Variants in SIPA1 observed in about 807,000 individuals in gnomAD.
SIPA1 encodes signal-induced proliferation-associated 1.
A neutral mutation model predicts 88.1 loss-of-function variants in SIPA1; 51 were observed. That is an observed-to-expected ratio of 0.58 (90% CI 0.46 to 0.73). The LOEUF (loss-of-function observed/expected upper bound fraction) is 0.73, where lower values mean the gene tolerates loss of function less well. Among genes scored for constraint, SIPA1 ranks in the 30% least tolerant of loss-of-function variants. SIPA1 has a pLI of 0.00. For missense variants in SIPA1, 1,348 were observed against 1,467.6 expected, an observed-to-expected ratio of 0.92 and a Z score of 1.33; for synonymous variants, 681 against 664.8, an observed-to-expected ratio of 1.02 and a Z score of -0.37.
At position 65,649,984 on chromosome 11, in the gene SIPA1, C is replaced by T. The variant is rs753174536; in HGVS notation, c.2781C>T (p.Asp927=). The T allele has an allele frequency of 3.2e-5, 51 of 1,613,774 alleles. No homozygotes were observed. Among genetic ancestry groups the T allele is most frequent in the Non-Finnish European group, 4.3e-5 (51 of 1,179,984 alleles). ...MSEAGSGTLE[D]EWQAISEIAS... ...AGGCGGGCAGTGGGACCCTGGAGGA[C>T]GAGTGGCAGGCCATCTCGGAGATTG... The change falls in exon 13 of 16, where the codon GAC becomes GAT. Residue 927 remains aspartate (D), a synonymous_variant. Transcript: ENST00000534313.
chr11:65,650,818 C>A lies in SIPA1; in HGVS notation c.*103C>A. 1 of 1,273,866 alleles carries A rather than the reference C, an allele frequency of 7.9e-7. No homozygotes were observed. The highest frequency in any genetic ancestry group is 1.0e-6 in the Non-Finnish European group (1 of 953,088). The allele number at this position is 1,273,866 out of a possible 1,614,324, so 78.9% of individuals were successfully genotyped here. A position where few individuals can be genotyped will look rare whatever the true frequency, so the allele number is the denominator to read the frequency against. On this transcript the variant is annotated 3_prime_UTR_variant, in exon 16 of 16. Coordinates refer to ENST00000534313, the MANE Select transcript of SIPA1 (RefSeq NM_006747.4). ...GCGTGTCTTAGCACTGCCCCCCTCC[C>A]TAGCCCCTTATTTGGTGGCGGAAGT... is the stretch of plus-strand genomic sequence containing the variant.
chr11:65,650,310 G>T lies in SIPA1; in HGVS notation c.2904-91G>T, dbSNP rs889013114. ...GCTGCCACATATGCCTAGAAGACCAGCGGGGCCCCTCTCATTAGCTGGGGC... is the reference window on the plus strand; with the variant it reads ...GCTGCCACATATGCCTAGAAGACCATCGGGGCCCCTCTCATTAGCTGGGGC... On this transcript the variant is annotated intron_variant, in intron 14 of 15. Coordinates refer to ENST00000534313, the MANE Select transcript of SIPA1 (RefSeq NM_006747.4). 3.9e-6 allele frequency: 6 copies of T among 1,549,420 alleles called. No individual in the cohort carries two copies. The African/African-American group carries it at 6.8e-5, about 18-fold the overall frequency.
At chr11:65,645,757 G>A in intron 5 of SIPA1, 97 bp from the exon 6 acceptor site, 1 of 753,224 alleles carries the variant, frequency 1.3e-6, no homozygotes, top group South Asian at 1.9e-5. Context: ...TGCTGTTTGG[G>A]GCACAGAGGC....
At chr11:65,644,812 G>A (rs565072250) in intron 4 of SIPA1, 143 bp from the exon 5 acceptor site, 38 of 764,158 alleles carry the variant, frequency 5.0e-5, no homozygotes, top group Admixed American at 4.4e-4. Context: ...ACAACAGACT[G>A]TACTCACCTG....
At position 65,641,049 on chromosome 11, in the gene SIPA1, C is replaced by A; in HGVS notation, c.128C>A (p.Pro43Gln). ...CCGCTGACACCGCACACCTTCGAGC[C>A]GAGGCCAGTCCGGGGCCCACTCCTG... The part of the protein sequence containing the change: ...RPPLTPHTFE[P>Q]RPVRGPLLRS... The change falls in exon 2 of 16, where the codon CCG (proline) becomes CAG (glutamine). Residue 43 changes from proline to glutamine, a missense_variant. Transcript: ENST00000534313. The A allele has an allele frequency of 6.3e-7, 1 of 1,595,452 alleles. No homozygotes were observed. The highest frequency in any genetic ancestry group is 8.5e-7 in the Non-Finnish European group (1 of 1,175,046).
intron 9 of SIPA1, among the ~76,000 whole-genome samples, chr11:65,648,612 T>C (rs542223061): frequency 6.6e-6 from 1 of 152,204 alleles, no homozygotes; most frequent in African/African-American, 2.4e-5. Flanking sequence ...GGCGGGTAGC[T>C]CACCTGAGGT....
rs1419141435 is a variant in SIPA1 at position 65,646,493 on chromosome 11, G to A, written c.1459G>A (p.Gly487Arg). The change falls in exon 8 of 16, where the codon GGG becomes AGG. Residue 487 changes from glycine to arginine, a missense_variant. Gly to Arg is a moderately radical substitution (Grantham distance 125). Transcript: ENST00000534313. The surrounding 1 kb of genome is among the most constrained non-coding windows in gnomAD (Gnocchi z 7.5). ...CCGCACCCAGGACACCCCTGCCTTC[G>A]GGCCAGCTCTGCCTGCTGGCGGAGG... is the stretch of plus-strand genomic sequence containing the variant. ...VSRTQDTPAF[G>R]PALPAGGGPF... 6.3e-7 allele frequency: 1 copy of A among 1,580,238 alleles called. No individual in the cohort carries two copies. The highest frequency in any genetic ancestry group is 8.6e-7 in the Non-Finnish European group (1 of 1,169,492).
chr11:65,641,197 G>C lies in SIPA1; in HGVS notation c.276G>C (p.Pro92=). The C allele has an allele frequency of 6.2e-7, 1 of 1,611,654 alleles. No individual in the cohort carries two copies. The highest frequency in any genetic ancestry group is 2.2e-5 in the East Asian group (1 of 44,892). ...CTTCCACCCGGCTCTTCACTGACCCGCTGGCACTGCTGGGGCTGCCAGCAG... is the reference window on the plus strand; with the variant it reads ...CTTCCACCCGGCTCTTCACTGACCCCCTGGCACTGCTGGGGCTGCCAGCAG... ...AATSTRLFTD[P]LALLGLPAEE... The change falls in exon 2 of 16, where the codon CCG becomes CCC. Residue 92 remains proline, a synonymous_variant. Coordinates refer to ENST00000534313, the MANE Select transcript of SIPA1 (RefSeq NM_006747.4).
chr11:65,642,779 G>A lies in SIPA1; in HGVS notation c.984+140G>A. ...AGAAGAGCTGGCTTTTCAGAGACAG[G>A]GCATCAGAGTTCATCTGGAGCCTTG... On this transcript the variant is annotated intron_variant, in intron 4 of 15. Transcript: ENST00000534313. This position sits in a 1 kb window ranked among gnomAD's most constrained non-coding sequence, Gnocchi z 6.5. 2.7e-6 allele frequency: 2 copies of A among 753,892 alleles called. No homozygotes were observed. Among genetic ancestry groups the A allele is most frequent in the Non-Finnish European group, 4.1e-6 (2 of 491,342 alleles). 46.7% of individuals were successfully genotyped at this position (753,892 alleles called of 1,614,324 possible).
intron 9 of SIPA1, among the ~76,000 whole-genome samples, chr11:65,648,300 A>G (rs768044417): frequency 6.6e-5 from 10 of 152,040 alleles, no homozygotes; most frequent in Admixed American, 2.0e-4. Context: ...CACACACTAC[A>G]CACTATTGAT....
chr11:65,645,173 A>G, intron 5 of SIPA1, 44 bp downstream of exon 5: 1 of 1,568,074 alleles, frequency 6.4e-7, no homozygotes, highest in Non-Finnish European at 8.7e-7. Flanking sequence ...TCTGTGCTGA[A>G]GGGGTGAGCA....
Position 65,642,009 on chromosome 11 carries a change from A to G in SIPA1, c.680-241A>G. ...GAATGAGGGCGTGGTGGGTGGAGCC[A>G]AGGCAGGATTTAGGCCTGGGAGCTG... is the stretch of plus-strand genomic sequence containing the variant. On this transcript the variant is annotated intron_variant, in intron 2 of 15. Coordinates refer to ENST00000534313, the MANE Select transcript of SIPA1 (RefSeq NM_006747.4). This position sits in a 1 kb window ranked among gnomAD's most constrained non-coding sequence, Gnocchi z 6.5. 2 of 574,036 alleles carry G rather than the reference A, an allele frequency of 3.5e-6. No individual in the cohort carries two copies. Among genetic ancestry groups the G allele is most frequent in the Non-Finnish European group, 6.0e-6 (2 of 332,718 alleles). The allele number at this position is 574,036 out of a possible 1,614,324, so 35.6% of individuals were successfully genotyped here. A position where few individuals can be genotyped will look rare whatever the true frequency, so the allele number is the denominator to read the frequency against.
At chr11:65,648,332 G>T (rs1451080716) in intron 9 of SIPA1, among the ~76,000 whole-genome samples, 2 of 151,874 alleles carry the variant, frequency 1.3e-5, no homozygotes, top group African/African-American at 2.4e-5. Flanking sequence ...CTAAGCCAGG[G>T]GTAGGCAAAC....
Position 65,646,857 on chromosome 11 carries a change from C to T in SIPA1, c.1823C>T (p.Pro608Leu). 2 of 1,476,186 alleles carry T rather than the reference C, an allele frequency of 1.4e-6. No homozygotes were observed. Among genetic ancestry groups the T allele is most frequent in the Non-Finnish European group, 1.8e-6 (2 of 1,116,052 alleles). The allele number at this position is 1,476,186 out of a possible 1,614,324, so 91.4% of individuals were successfully genotyped here. Residue 608 changes from proline to leucine, a missense_variant, in exon 8 of 16, where the codon CCC (proline) becomes CTC (leucine). This residue lies in a region of SIPA1 where 24 missense variants were observed against 51.1 expected (regional missense o/e 0.47). Coordinates refer to ENST00000534313, the MANE Select transcript of SIPA1 (RefSeq NM_006747.4). This position sits in a 1 kb window ranked among gnomAD's most constrained non-coding sequence, Gnocchi z 7.5. ...AGCGGCCCCGAAGGCATCGAGGTGC[C>T]CTGCCTGCTGGGCATCTCGGCCGAG... ...QASGPEGIEV[P>L]CLLGISAEAL... is the part of the protein sequence containing the mutation.
intron 9 of SIPA1, 53 bp downstream of exon 9, chr11:65,647,711 G>A: frequency 7.8e-7 from 1 of 1,280,894 alleles, no homozygotes; most frequent in Non-Finnish European, 9.9e-7. Context: ...TGGCCACCGC[G>A]CAGTCTGCGC....
chr11:65,645,171 G>A (rs772103286), intron 5 of SIPA1, 42 bp downstream of exon 5: 83 of 1,570,764 alleles, frequency 5.3e-5, no homozygotes, highest in Non-Finnish European at 6.9e-5. Context: ...GATCTGTGCT[G>A]AAGGGGTGAG....
intron 1 of SIPA1, 92 bp from the exon 2 acceptor site, chr11:65,640,739 C>T (rs971777728): frequency 2.8e-5 from 15 of 541,828 alleles, no homozygotes; most frequent in African/African-American, 1.6e-4. Flanking sequence ...CGGAGGGGGC[C>T]GGAAGCCAAC....
chr11:65,650,664 C>T lies in SIPA1; in HGVS notation c.3078C>T (p.Arg1026=), dbSNP rs1187936597. ...LQAESESAAT[R]LLLASKQLGS... is the part of the protein sequence containing the mutation. ...CGGAGTCTGAGAGTGCAGCCACACG[C>T]CTCCTCCTGGCCTCCAAGCAGCTGG... The change falls in exon 16 of 16, where the codon CGC becomes CGT. Residue 1026 remains arginine (R), a synonymous_variant. Transcript: ENST00000534313. 6.3e-7 allele frequency: 1 copy of T among 1,576,352 alleles called. No homozygotes were observed. Among genetic ancestry groups the T allele is most frequent in the Non-Finnish European group, 8.6e-7 (1 of 1,160,960 alleles).
chr11:65,638,895 G>C (rs1590915576), intron 1 of SIPA1, among the ~76,000 whole-genome samples: 2 of 152,304 alleles, frequency 1.3e-5, no homozygotes, highest in South Asian at 4.1e-4. Flanking sequence ...GCAGAGCTCA[G>C]CCCACAAGGA....
Sources: allele counts gnomAD v4.1 joint callset (sites outside exome capture counted in the v4.1 genomes callset), GRCh38; gene constraint gnomAD v4.1.1; regional missense constraint gnomAD v4.1.1; non-coding constraint Gnocchi (gnomAD v3.1); transcripts MANE v1.5; gene names NCBI Gene and HGNC (gene_info 2026-07-23, HGNC 2026-07-21).